The following LCOR variants were observed in gnomAD, a reference collection of about 807,000 sequenced individuals.
The protein encoded by LCOR is ligand-dependent corepressor.
A neutral mutation model predicts 64.4 loss-of-function variants in LCOR; 14 were observed. The ratio of observed to expected loss-of-function variants is 0.22; its 90% CI spans 0.14 to 0.34. The LOEUF (loss-of-function observed/expected upper bound fraction) is 0.34, where lower values mean the gene tolerates loss of function less well. Ranked by LOEUF, LCOR falls within the 10% of genes least tolerant of loss-of-function variation. LCOR has a pLI of 1.00. For synonymous variants in LCOR, 643 were observed against 642.5 expected, an observed-to-expected ratio of 1.00 and a Z score of -0.01; for missense variants, 1,686 against 1,765.3, an observed-to-expected ratio of 0.96 and a Z score of 0.80.
At chr10:96,844,568 C>G (rs528054231) in intron 2 of LCOR, among the ~76,000 whole-genome samples, 2 of 152,190 alleles carry the variant, frequency 1.3e-5, no homozygotes, top group South Asian at 2.1e-4. Flanking sequence ...TTGCCTCCTT[C>G]TCTTCAGCTG....
At chr10:96,970,857 A>G (rs1847993610) in intron 7 of LCOR, among the ~76,000 whole-genome samples, 1 of 151,708 alleles carries the variant, frequency 6.6e-6, no homozygotes, top group South Asian at 2.1e-4. Context: ...GAGCTCAGGC[A>G]ATCCTCCTGC....
chr10:96,923,613 C>A (rs1161696182), intron 4 of LCOR, among the ~76,000 whole-genome samples: 1 of 152,300 alleles, frequency 6.6e-6, no homozygotes, highest in East Asian at 1.9e-4. Context: ...ATTAGAGCTA[C>A]AAAAGAAACT....
intron 7 of LCOR, chr10:96,957,460 A>G (rs1260687651): frequency 2.0e-6 from 2 of 985,212 alleles, no homozygotes; most frequent in Non-Finnish European, 2.4e-6. Flanking sequence ...TCAGATTAAA[A>G]TTACTATTTG....
At chr10:96,846,716 C>T (rs921028435) in intron 2 of LCOR, among the ~76,000 whole-genome samples, 2 of 152,116 alleles carry the variant, frequency 1.3e-5, no homozygotes, top group African/African-American at 2.4e-5. Flanking sequence ...TAGATTCTGG[C>T]ATGTTAAAAT....
At chr10:96,885,318 C>T (rs1364911738) in intron 2 of LCOR, among the ~76,000 whole-genome samples, 1 of 152,062 alleles carries the variant, frequency 6.6e-6, no homozygotes, top group Non-Finnish European at 1.5e-5. Flanking sequence ...CATTCTTAAT[C>T]GTTTGTTGAC....
At chr10:96,835,977 C>G (rs781679365) in intron 2 of LCOR, among the ~76,000 whole-genome samples, 2 of 152,156 alleles carry the variant, frequency 1.3e-5, no homozygotes, top group Non-Finnish European at 2.9e-5. Flanking sequence ...CTCTCTGCGC[C>G]TGATATGATG....
At chr10:96,902,845 T>C (rs890233020) in intron 2 of LCOR, among the ~76,000 whole-genome samples, 2 of 152,204 alleles carry the variant, frequency 1.3e-5, no homozygotes, top group African/African-American at 4.8e-5. Context: ...TGCTTAACAA[T>C]GGGGTTGCAT....
intron 2 of LCOR, among the ~76,000 whole-genome samples, chr10:96,901,826 G>A (rs1276548258): frequency 1.3e-5 from 2 of 152,058 alleles, no homozygotes; most frequent in African/African-American, 4.8e-5. Context: ...CTGGAGTGCG[G>A]TGGCGCAATC....
At chr10:96,941,356 G>T (rs1847469966) in intron 4 of LCOR, among the ~76,000 whole-genome samples, 1 of 143,184 alleles carries the variant, frequency 7.0e-6, no homozygotes, top group Non-Finnish European at 1.5e-5. Flanking sequence ...CCCAGTAGGG[G>T]CGGCCGGGCA....
At position 96,994,773 on chromosome 10, in the gene LCOR, C is replaced by T. The variant is rs991683585; in HGVS notation, c.*9639C>T. On this transcript the variant is annotated 3_prime_UTR_variant, in exon 8 of 8. Transcript: ENST00000421806. ...TCTTATTACCTTGTATGAAAAATCC[C>T]CATATTAGCCTCACTTAATCTCAAT... The T allele has an allele frequency of 1.3e-5, 2 of 152,140 alleles. No individual in the cohort carries two copies. Among genetic ancestry groups the T allele is most frequent in the Non-Finnish European group, 1.5e-5 (1 of 68,022 alleles). 9.4% of individuals were successfully genotyped at this position (152,140 alleles called of 1,614,324 possible). A position where few individuals can be genotyped will look rare whatever the true frequency, so the allele number is the denominator to read the frequency against.
chr10:96,908,841 G>C (rs951122800), intron 4 of LCOR, among the ~76,000 whole-genome samples: 5 of 151,782 alleles, frequency 3.3e-5, no homozygotes, highest in Non-Finnish European at 4.4e-5. Context: ...TCAGCCTCAC[G>C]AGTAGCTGGG....
At chr10:96,912,599 T>TCTTC (rs1554836467) in intron 4 of LCOR, among the ~76,000 whole-genome samples, 1,130 of 110,756 alleles carry the variant, frequency 0.01, 17 homozygotes, top group African/African-American at 0.047. Context: ...GATCTTCCTT[T>TCTTC]CTTCCTTTCT....
At chr10:96,888,523 G>A (rs2134429136) in intron 2 of LCOR, among the ~76,000 whole-genome samples, 1 of 152,042 alleles carries the variant, frequency 6.6e-6, no homozygotes, top group African/African-American at 2.4e-5. Context: ...ATTAACAAAT[G>A]TAATTTTTTT....
At chr10:96,880,508 G>A (rs756811440) in intron 2 of LCOR, among the ~76,000 whole-genome samples, 5 of 151,918 alleles carry the variant, frequency 3.3e-5, no homozygotes, top group African/African-American at 9.7e-5. Flanking sequence ...AGCGATTCTC[G>A]TGCCTTACCC....
rs1848187848 is a variant in LCOR at position 96,990,194 on chromosome 10, G to T, written c.*5060G>T. 1 of 152,142 alleles carries T rather than the reference G, an allele frequency of 6.6e-6. No homozygotes were observed. The highest frequency in any genetic ancestry group is 1.5e-5 in the Non-Finnish European group (1 of 68,034). The allele number at this position is 152,142 out of a possible 1,614,324, so 9.4% of individuals were successfully genotyped here. ...TCCCCCTGCCCAGCCCCCAGACAGG[G>T]TCTCACTCTGTCGCCCCAGGCTGGA... On this transcript the variant is annotated 3_prime_UTR_variant, in exon 8 of 8. Coordinates refer to ENST00000421806, the MANE Select transcript of LCOR (RefSeq NM_001346516.2).
At chr10:96,978,284 T>G (rs780363374) in intron 7 of LCOR, among the ~76,000 whole-genome samples, 8 of 152,236 alleles carry the variant, frequency 5.3e-5, no homozygotes, top group Non-Finnish European at 7.3e-5. Context: ...GTCACTGATG[T>G]CTTGCCTGTT....
intron 5 of LCOR, 136 bp from the exon 6 acceptor site, chr10:96,948,872 C>T (rs748555996): frequency 1.3e-5 from 7 of 532,538 alleles, no homozygotes; most frequent in Non-Finnish European, 1.9e-5. Context: ...GCTTAGAAAA[C>T]ATAAGTCAAA....
intron 7 of LCOR, chr10:96,958,906 T>TAAAAAAAAAA (rs74784568): frequency 3.9e-5 from 4 of 103,876 alleles, no homozygotes; most frequent in African/African-American, 9.5e-5. Context: ...AAGAAAAACT[T>TAAAAAAAAAA]AAAAAAAAAA....
chr10:96,923,340 G>A (rs1372480931), intron 4 of LCOR, among the ~76,000 whole-genome samples: 1 of 152,174 alleles, frequency 6.6e-6, no homozygotes, highest in Non-Finnish European at 1.5e-5. Context: ...CTATCCTATA[G>A]TATGAATTTA....
Sources: allele counts gnomAD v4.1 joint callset (sites outside exome capture counted in the v4.1 genomes callset), GRCh38; gene constraint gnomAD v4.1.1; transcripts MANE v1.5; gene names NCBI Gene and HGNC (gene_info 2026-07-23, HGNC 2026-07-21).